Variants in BABAM2 observed in about 807,000 individuals in gnomAD.
BABAM2 encodes the protein BRISC and BRCA1 A complex member 2.
Under a neutral mutation model 54.7 loss-of-function variants are expected in BABAM2, and 31 were observed. The ratio of observed to expected loss-of-function variants is 0.57; its 90% CI spans 0.43 to 0.77. BABAM2 has a LOEUF of 0.77. BABAM2 is among the 30% of genes least tolerant of loss of function. The pLI is 0.00. For synonymous variants in BABAM2, 167 were observed against 162.9 expected, an observed-to-expected ratio of 1.03 and a Z score of -0.19; for missense variants, 364 against 455.8, an observed-to-expected ratio of 0.80 and a Z score of 1.83.
upstream of BABAM2, among the ~76,000 whole-genome samples, chr2:27,889,768 GCTCAA>G (rs1664670160): frequency 6.6e-6 from 1 of 152,124 alleles, no homozygotes; most frequent in Non-Finnish European, 1.5e-5. Context: ...TTTGATTTCT[GCTCAA>G]CTCATTATTT....
chr2:28,112,147 T>TTCTTTCTC (rs1558346715), intron 6 of BABAM2, among the ~76,000 whole-genome samples: 1 of 5,248 alleles, frequency 1.9e-4, no homozygotes, highest in African/African-American at 9.7e-4. Flanking sequence ...CTTTCTTTCT[T>TTCTTTCTC]TACCTCCCTC....
chr2:28,281,876 T>A (rs1686389950), intron 10 of BABAM2, among the ~76,000 whole-genome samples: 1 of 152,206 alleles, frequency 6.6e-6, no homozygotes, highest in Non-Finnish European at 1.5e-5. Context: ...TATGAGGACA[T>A]CCTCCAGGCC....
intron 11 of BABAM2, chr2:28,309,938 C>T (rs540806805): frequency 4.9e-5 from 39 of 799,076 alleles, no homozygotes; most frequent in Middle Eastern, 7.1e-4. Context: ...CAAGCTCACC[C>T]GTCCCTCCTG....
intron 7 of BABAM2, among the ~76,000 whole-genome samples, chr2:28,230,631 G>T (rs1681292123): frequency 6.6e-6 from 1 of 151,726 alleles, no homozygotes; most frequent in East Asian, 1.9e-4. Flanking sequence ...GGCTGAGCTG[G>T]GAGGATCACC....
At chr2:28,065,305 T>C (rs896586093) in intron 6 of BABAM2, among the ~76,000 whole-genome samples, 1 of 152,196 alleles carries the variant, frequency 6.6e-6, no homozygotes, top group African/African-American at 2.4e-5. Context: ...AAGTTTACAT[T>C]GAGAGTCTTC....
chr2:28,279,022 G>A (rs1345627225), intron 10 of BABAM2, among the ~76,000 whole-genome samples: 1 of 152,234 alleles, frequency 6.6e-6, no homozygotes. Context: ...GGAATTAAAA[G>A]AAGAGTAAAT....
chr2:27,938,953 G>T (rs908772636), intron 3 of BABAM2, among the ~76,000 whole-genome samples: 2 of 152,104 alleles, frequency 1.3e-5, no homozygotes, highest in East Asian at 1.9e-4. Context: ...TTAAACTATA[G>T]TTATTTATTT....
intron 6 of BABAM2, among the ~76,000 whole-genome samples, chr2:28,086,184 G>T (rs964305964): frequency 3.3e-5 from 5 of 152,162 alleles, no homozygotes; most frequent in Admixed American, 2.0e-4. Flanking sequence ...ATAGATGGAA[G>T]AATTTGAATC....
At chr2:28,092,349 AAG>A (rs1274588104) in intron 6 of BABAM2, among the ~76,000 whole-genome samples, 2 of 152,228 alleles carry the variant, frequency 1.3e-5, no homozygotes, top group African/African-American at 2.4e-5. Context: ...TGCTAGGACA[AAG>A]AGTGAATTTA....
At chr2:28,259,384 G>A (rs757880471) in intron 10 of BABAM2, among the ~76,000 whole-genome samples, 3 of 151,822 alleles carry the variant, frequency 2.0e-5, no homozygotes, top group South Asian at 2.1e-4. Context: ...GCACCTAGCC[G>A]GCTAGTTTAT....
intron 6 of BABAM2, among the ~76,000 whole-genome samples, chr2:28,093,864 G>A (rs953681774): frequency 6.6e-6 from 1 of 152,112 alleles, no homozygotes; most frequent in South Asian, 2.1e-4. Flanking sequence ...AGACTTCATC[G>A]TGAAATATTT....
At chr2:27,938,931 G>A (rs1252462584) in intron 3 of BABAM2, among the ~76,000 whole-genome samples, 1 of 151,942 alleles carries the variant, frequency 6.6e-6, no homozygotes, top group Admixed American at 6.6e-5. Context: ...TTGAAAACTT[G>A]TGGTGTATGG....
At chr2:28,335,247 G>A (rs938848222) in intron 11 of BABAM2, among the ~76,000 whole-genome samples, 2 of 137,326 alleles carry the variant, frequency 1.5e-5, no homozygotes, top group Admixed American at 1.7e-4. Context: ...TTGGCTCACT[G>A]CAACCTCCGC....
chr2:28,058,910 A>G (rs1241781850), intron 6 of BABAM2, among the ~76,000 whole-genome samples: 1 of 152,228 alleles, frequency 6.6e-6, no homozygotes, highest in Non-Finnish European at 1.5e-5. Context: ...GAAACAAACA[A>G]CAACGGCTCC....
intron 7 of BABAM2, among the ~76,000 whole-genome samples, chr2:28,130,120 A>G (rs1284065063): frequency 6.6e-6 from 1 of 152,202 alleles, no homozygotes; most frequent in Non-Finnish European, 1.5e-5. Flanking sequence ...ATTTTTCATC[A>G]GCAGAGAGAG....
At chr2:28,017,971 G>C (rs952392984) in intron 4 of BABAM2, among the ~76,000 whole-genome samples, 1 of 152,148 alleles carries the variant, frequency 6.6e-6, no homozygotes, top group Non-Finnish European at 1.5e-5. Context: ...ATGAACATTT[G>C]TGTACAGGTT....
chr2:28,057,240 A>G (rs961889781), intron 6 of BABAM2, among the ~76,000 whole-genome samples: 1 of 152,222 alleles, frequency 6.6e-6, no homozygotes, highest in Non-Finnish European at 1.5e-5. Context: ...AAGCATCAAC[A>G]TTAATTCGTA....
chr2:28,213,710 A>G (rs760286899), intron 7 of BABAM2, among the ~76,000 whole-genome samples: 3 of 152,128 alleles, frequency 2.0e-5, no homozygotes, highest in Admixed American at 6.6e-5. Flanking sequence ...CAGAATTAAA[A>G]TACATTTTTG....
chr2:28,197,795 A>G (rs1004096908), intron 7 of BABAM2, among the ~76,000 whole-genome samples: 2 of 152,204 alleles, frequency 1.3e-5, no homozygotes, highest in African/African-American at 4.8e-5. Context: ...ATAAAATAAA[A>G]ACTGAAAGTA....
Sources: allele counts gnomAD v4.1 joint callset (sites outside exome capture counted in the v4.1 genomes callset), GRCh38; gene constraint gnomAD v4.1.1; transcripts MANE v1.5; gene names NCBI Gene and HGNC (gene_info 2026-07-23, HGNC 2026-07-21).